LRMDA: variants seen among roughly 807,000 people sequenced by gnomAD.
LRMDA encodes the protein leucine-rich melanocyte differentiation-associated protein.
In LRMDA, 18 loss-of-function variants were observed where a neutral mutation model predicts 29.8. That is an observed-to-expected ratio of 0.60 (90% confidence interval 0.42 to 0.90). The LOEUF is 0.90. Among genes scored for constraint, LRMDA ranks in the 40% least tolerant of loss-of-function variants. The pLI, the probability that LRMDA is intolerant of heterozygous loss-of-function variation, is 0.00. For missense variants in LRMDA, 273 were observed against 273.9 expected (o/e 1.00, Z 0.02); for synonymous variants, 125 against 109.4 (o/e 1.14, Z -0.89).
At chr10:76,478,176 A>G (rs2132323782) in intron 6 of LRMDA, among the ~76,000 whole-genome samples, 1 of 152,304 alleles carries the variant, frequency 6.6e-6, no homozygotes, top group Non-Finnish European at 1.5e-5. Flanking sequence ...AATATCCAGA[A>G]TCTACAATGA....
intron 2 of LRMDA, among the ~76,000 whole-genome samples, chr10:75,883,054 G>A (rs1845320755): frequency 6.6e-6 from 1 of 152,148 alleles, no homozygotes; most frequent in Non-Finnish European, 1.5e-5. Context: ...GAGGCCTCAT[G>A]CACAATCCCC....
intron 2 of LRMDA, among the ~76,000 whole-genome samples, chr10:75,784,337 C>T (rs937408792): frequency 6.6e-6 from 1 of 152,154 alleles, no homozygotes; most frequent in Non-Finnish European, 1.5e-5. Flanking sequence ...CAAAACAAAA[C>T]ATGTAAAAGA....
At chr10:76,206,235 C>T (rs1424478785) in intron 5 of LRMDA, among the ~76,000 whole-genome samples, 1 of 152,168 alleles carries the variant, frequency 6.6e-6, no homozygotes, top group African/African-American at 2.4e-5. Context: ...GTTCTCAGAA[C>T]AGGTTGGAAC....
chr10:75,565,578 T>C (rs866418410), intron 2 of LRMDA, among the ~76,000 whole-genome samples: 26 of 152,156 alleles, frequency 1.7e-4, no homozygotes, highest in African/African-American at 6.3e-4. Flanking sequence ...TGCTGAAGTA[T>C]GCGAGAGAAC....
intron 5 of LRMDA, among the ~76,000 whole-genome samples, chr10:76,097,337 T>C (rs1027729921): frequency 6.6e-6 from 1 of 152,200 alleles, no homozygotes; most frequent in Non-Finnish European, 1.5e-5. Flanking sequence ...TAGAGACAGT[T>C]TTATTTCCTC....
Position 76,488,956 on chromosome 10 carries a change from T to G in LRMDA, c.602-68253T>G, listed in dbSNP as rs548673046. Among the ~76,000 whole-genome samples the G allele has an allele frequency of 3.9e-5, 6 of 152,038 alleles. No individual in the cohort carries two copies. In the South Asian group the frequency reaches 1.2e-3, roughly 32 times the overall value. On this transcript the variant is annotated intron_variant, in intron 6 of 6. Coordinates refer to ENST00000611255, the MANE Select transcript of LRMDA (RefSeq NM_001305581.2). Reference sequence around the variant, plus strand: ...AGGGATATTGGCCTATAGTTTTCTGTTTTTGATGTGTCTTCATCTGGTTTT... The same window carrying G: ...AGGGATATTGGCCTATAGTTTTCTGGTTTTGATGTGTCTTCATCTGGTTTT...
At chr10:76,040,270 A>G (rs1052423585) in intron 3 of LRMDA, among the ~76,000 whole-genome samples, 1 of 152,114 alleles carries the variant, frequency 6.6e-6, no homozygotes, top group Non-Finnish European at 1.5e-5. Flanking sequence ...GTCTGCTCTT[A>G]AAAGGGATTC....
intron 2 of LRMDA, among the ~76,000 whole-genome samples, chr10:75,546,510 T>C (rs1457118828): frequency 6.6e-6 from 1 of 152,214 alleles, no homozygotes; most frequent in Non-Finnish European, 1.5e-5. Context: ...TTATTTCTAG[T>C]GTTGGGATCA....
intron 2 of LRMDA, among the ~76,000 whole-genome samples, chr10:75,827,492 T>C (rs1844267371): frequency 6.6e-6 from 1 of 152,220 alleles, no homozygotes; most frequent in Non-Finnish European, 1.5e-5. Context: ...ATTTGGTCTC[T>C]TATGGAAGCA....
chr10:76,324,267 T>C, intron 5 of LRMDA, 134 bp from the exon 6 acceptor site: 2 of 812,938 alleles, frequency 2.5e-6, no homozygotes, highest in Non-Finnish European at 4.1e-6. Flanking sequence ...AAACAGCTCT[T>C]GCTTCCTAAG....
chr10:75,493,504 C>T (rs1242629914), intron 2 of LRMDA, among the ~76,000 whole-genome samples: 1 of 152,038 alleles, frequency 6.6e-6, no homozygotes, highest in Non-Finnish European at 1.5e-5. Context: ...CAGGATGGGC[C>T]ACCACGCTCT....
chr10:75,990,723 T>G (rs941572292), intron 2 of LRMDA, among the ~76,000 whole-genome samples: 2 of 152,138 alleles, frequency 1.3e-5, no homozygotes, highest in Non-Finnish European at 2.9e-5. Context: ...TTAAGAATAT[T>G]TGTGTAGATA....
chr10:76,529,987 A>G (rs928884987), intron 6 of LRMDA, among the ~76,000 whole-genome samples: 10 of 152,130 alleles, frequency 6.6e-5, no homozygotes, highest in African/African-American at 2.2e-4. Context: ...TGATTTGCCA[A>G]TGGGACTTAG....
chr10:75,686,640 GT>G (rs1429570333), intron 2 of LRMDA, among the ~76,000 whole-genome samples: 1 of 152,140 alleles, frequency 6.6e-6, no homozygotes, highest in Non-Finnish European at 1.5e-5. Context: ...CCCTATAGTT[GT>G]TTGTTTTCAT....
At chr10:76,181,501 T>A (rs1851049942) in intron 5 of LRMDA, among the ~76,000 whole-genome samples, 1 of 152,206 alleles carries the variant, frequency 6.6e-6, no homozygotes, top group Non-Finnish European at 1.5e-5. Context: ...TTTGTTGGCT[T>A]GTAAATCTGA....
chr10:76,513,835 A>C (rs1412975117), intron 6 of LRMDA, among the ~76,000 whole-genome samples: 3 of 152,156 alleles, frequency 2.0e-5, no homozygotes, highest in African/African-American at 7.2e-5. Flanking sequence ...GTATGTGTGA[A>C]TGAACTGTTC....
intron 2 of LRMDA, among the ~76,000 whole-genome samples, chr10:75,442,317 AATACAGTAATATTAACTATAGCCACC>A (rs1229895750): frequency 2.6e-5 from 4 of 152,354 alleles, no homozygotes; most frequent in African/African-American, 7.2e-5. Flanking sequence ...TCAAGTATAC[AATACAGTAATATTAACTATAGCCACC>A]ATGCTGTACA....
chr10:76,547,900 T>C (rs1360304462), intron 6 of LRMDA, among the ~76,000 whole-genome samples: 1 of 151,832 alleles, frequency 6.6e-6, no homozygotes, highest in Non-Finnish European at 1.5e-5. Context: ...AATACAGACA[T>C]AGGAGAGAAG....
chr10:76,353,641 A>G (rs1841205499), intron 6 of LRMDA, among the ~76,000 whole-genome samples: 1 of 152,090 alleles, frequency 6.6e-6, no homozygotes, highest in African/African-American at 2.4e-5. Flanking sequence ...TTCAGCCTCA[A>G]CTGAGACCTT....
Sources: gnomAD v4.1 joint callset for allele counts (sites outside exome capture counted in the v4.1 genomes callset) on GRCh38, gnomAD v4.1.1 for gene constraint, MANE v1.5 for transcripts, NCBI Gene and HGNC (gene_info 2026-07-23, HGNC 2026-07-21) for gene names.